LRP1B: variants seen among roughly 807,000 people sequenced by gnomAD.
The protein encoded by LRP1B is LDL receptor related protein 1B, also known as low-density lipoprotein receptor-related protein 1B.
LRP1B carries 217 observed loss-of-function variants against 556.6 expected under a neutral mutation model. The ratio of observed to expected loss-of-function variants is 0.39; its 90% CI spans 0.35 to 0.44. The LOEUF (loss-of-function observed/expected upper bound fraction) is 0.44. LRP1B is among the 20% of genes least tolerant of loss of function. The pLI is 1.00. For missense variants in LRP1B, 5,053 were observed against 5,620.8 expected, an observed-to-expected ratio of 0.90 and a Z score of 3.23; for synonymous variants, 2,047 against 1,865.8, an observed-to-expected ratio of 1.10 and a Z score of -2.50.
Position 140,903,141 on chromosome 2 carries a change from C to T in LRP1B, c.3545G>A (p.Gly1182Asp), listed in dbSNP as rs773597538. ...AACAACAGAACAGTGGTTGCTACAG[C>T]CTCCATTGTTCAGCGAACACTCATC... ...LCDECSLNNGGCSNHCSVVPG... is the reference protein window; with the variant it reads ...LCDECSLNNGDCSNHCSVVPG... The change falls in exon 23 of 91, where the codon GGC becomes GAC. Residue 1182 changes from glycine to aspartate, a missense_variant. Coordinates refer to ENST00000389484, the MANE Select transcript of LRP1B (RefSeq NM_018557.3). The T allele has an allele frequency of 1.2e-6, 2 of 1,613,328 alleles. No individual in the cohort carries two copies. Among genetic ancestry groups the T allele is most frequent in the Admixed American group, 1.7e-5 (1 of 59,928 alleles).
intron 6 of LRP1B, among the ~76,000 whole-genome samples, chr2:141,215,584 A>T (rs965707535): frequency 1.3e-5 from 2 of 152,210 alleles, no homozygotes; most frequent in African/African-American, 4.8e-5. Flanking sequence ...TAATATGGAC[A>T]GTGAAGTTCA....
At chr2:141,064,188 T>TA (rs1699418296) in intron 7 of LRP1B, among the ~76,000 whole-genome samples, 2 of 151,616 alleles carry the variant, frequency 1.3e-5, no homozygotes, top group South Asian at 4.2e-4. Flanking sequence ...ATTTTCAGAA[T>TA]AAAAAATCGA....
chr2:141,683,483 A>T (rs958319168), intron 2 of LRP1B, among the ~76,000 whole-genome samples: 2 of 152,058 alleles, frequency 1.3e-5, no homozygotes, highest in African/African-American at 2.4e-5. Context: ...GGGATAATGG[A>T]CCCTTGTTAC....
At chr2:140,879,139 A>G (rs1161654802) in intron 25 of LRP1B, among the ~76,000 whole-genome samples, 2 of 152,218 alleles carry the variant, frequency 1.3e-5, no homozygotes, top group Admixed American at 6.5e-5. Context: ...ATGATAACAC[A>G]AAGACTTCTG....
At chr2:141,261,450 A>C (rs1232994110) in intron 3 of LRP1B, among the ~76,000 whole-genome samples, 6 of 152,176 alleles carry the variant, frequency 3.9e-5, no homozygotes, top group Non-Finnish European at 8.8e-5. Context: ...TCTAACCAAT[A>C]CCATTCATAA....
At chr2:141,061,317 C>A (rs1236177945) in intron 8 of LRP1B, among the ~76,000 whole-genome samples, 1 of 151,724 alleles carries the variant, frequency 6.6e-6, no homozygotes, top group Non-Finnish European at 1.5e-5. Context: ...TCTTGCATTG[C>A]AAAAGAATCC....
At chr2:141,600,204 A>C (rs1195840935) in intron 2 of LRP1B, among the ~76,000 whole-genome samples, 1 of 152,178 alleles carries the variant, frequency 6.6e-6, no homozygotes. Context: ...CTTTGGTTAG[A>C]GCGGTCTTAC....
intron 41 of LRP1B, among the ~76,000 whole-genome samples, chr2:140,694,776 T>A (rs143635245): frequency 3.9e-5 from 6 of 152,260 alleles, no homozygotes; most frequent in Admixed American, 3.3e-4. Context: ...ATTAATTAAT[T>A]TCTTATTAAT....
At chr2:141,340,592 G>A (rs1688021758) in intron 3 of LRP1B, among the ~76,000 whole-genome samples, 1 of 152,142 alleles carries the variant, frequency 6.6e-6, no homozygotes, top group African/African-American at 2.4e-5. Context: ...AAGGTTTCAT[G>A]TAGTACTTCA....
intron 41 of LRP1B, among the ~76,000 whole-genome samples, chr2:140,652,717 A>G (rs1333902670): frequency 6.6e-6 from 1 of 152,088 alleles, no homozygotes; most frequent in Non-Finnish European, 1.5e-5. Flanking sequence ...TGTCACTTAA[A>G]CAGGAGCAAA....
intron 1 of LRP1B, among the ~76,000 whole-genome samples, chr2:141,976,095 T>A (rs1448383208): frequency 6.6e-6 from 1 of 152,098 alleles, no homozygotes; most frequent in Non-Finnish European, 1.5e-5. Flanking sequence ...CTTTCATTTA[T>A]CAAATAAGAA....
intron 2 of LRP1B, among the ~76,000 whole-genome samples, chr2:141,804,630 C>A (rs968956740): frequency 6.6e-6 from 1 of 151,922 alleles, no homozygotes; most frequent in Non-Finnish European, 1.5e-5. Context: ...GAGAGAGGAT[C>A]GACCGAGAGG....
chr2:141,348,025 A>G (rs1463355005), intron 3 of LRP1B, among the ~76,000 whole-genome samples: 2 of 152,108 alleles, frequency 1.3e-5, no homozygotes, highest in African/African-American at 4.8e-5. Flanking sequence ...ATTTCAATGT[A>G]GTCTTTTATA....
chr2:140,480,524 T>A lies in LRP1B; in HGVS notation c.9425+4819A>T, dbSNP rs149946494. Among the ~76,000 whole-genome samples, 1,087 of 152,078 alleles carry A rather than the reference T, an allele frequency of 7.1e-3. 13 individuals are homozygous for A. Among genetic ancestry groups the A allele is most frequent in the African/African-American group, 0.025 (1,027 of 41,464 alleles). On this transcript the variant is annotated intron_variant, in intron 59 of 90. Coordinates refer to ENST00000389484, the MANE Select transcript of LRP1B (RefSeq NM_018557.3). ...GGCGTGCTCTCAGCTCACTGCAACCTCCACCTCCCTGGTTCAAGCAATTCT... is the reference window on the plus strand; with the variant it reads ...GGCGTGCTCTCAGCTCACTGCAACCACCACCTCCCTGGTTCAAGCAATTCT...
chr2:140,272,747 T>C (rs547004650), intron 85 of LRP1B, among the ~76,000 whole-genome samples: 43 of 152,144 alleles, frequency 2.8e-4, no homozygotes, highest in African/African-American at 9.6e-4. Context: ...TCATCTAACA[T>C]GTTTCAGAAA....
intron 2 of LRP1B, among the ~76,000 whole-genome samples, chr2:141,552,627 G>A (rs1360628171): frequency 2.0e-5 from 3 of 152,036 alleles, no homozygotes; most frequent in African/African-American, 7.2e-5. Flanking sequence ...CATAGCAAAT[G>A]TATGATTATT....
At chr2:141,222,396 C>G (rs1279116608) in intron 6 of LRP1B, among the ~76,000 whole-genome samples, 1 of 152,086 alleles carries the variant, frequency 6.6e-6, no homozygotes, top group East Asian at 1.9e-4. Context: ...AAATAGCCTA[C>G]CAACCAAAAA....
chr2:140,616,894 A>G (rs2105239660), intron 41 of LRP1B, among the ~76,000 whole-genome samples: 1 of 151,994 alleles, frequency 6.6e-6, no homozygotes, highest in African/African-American at 2.4e-5. Flanking sequence ...CTTGAATGCC[A>G]TTTGTCCTAT....
rs911881181 is a variant in LRP1B at position 140,897,069 on chromosome 2, G to T, written c.3766+5851C>A. Among the ~76,000 whole-genome samples, 5 of 152,278 alleles carry T rather than the reference G, an allele frequency of 3.3e-5. 1 individual carries two copies. Among genetic ancestry groups the T allele is most frequent in the African/African-American group, 1.2e-4 (5 of 41,558 alleles). ...AAGTGCACTATACATTTCAGGAAGA[G>T]ATTAATTACCAGAAGATTAAATTAT... On this transcript the variant is annotated intron_variant, in intron 23 of 90. Coordinates refer to ENST00000389484, the MANE Select transcript of LRP1B (RefSeq NM_018557.3).
Sources: allele counts gnomAD v4.1 joint callset (sites outside exome capture counted in the v4.1 genomes callset), GRCh38; gene constraint gnomAD v4.1.1; transcripts MANE v1.5; gene names NCBI Gene and HGNC (gene_info 2026-07-23, HGNC 2026-07-21).